The following ACLY variants were observed in gnomAD, a reference collection of about 807,000 sequenced individuals.
ACLY encodes the protein ATP citrate lyase.
A neutral mutation model predicts 133.0 loss-of-function variants in ACLY; 41 were observed. The observed-to-expected ratio is 0.31, with a 90% CI of 0.24 to 0.40. ACLY has a LOEUF of 0.40. Ranked by LOEUF, ACLY falls within the 10% of genes least tolerant of loss-of-function variation. ACLY has a pLI of 1.00. For synonymous variants in ACLY, 495 were observed against 549.3 expected (o/e 0.90, Z 1.38); for missense variants, 1,046 against 1,453.8 (o/e 0.72, Z 4.56).
At chr17:41,880,329 C>T (rs1205835235) in intron 20 of ACLY, among the ~76,000 whole-genome samples, 1 of 152,146 alleles carries the variant, frequency 6.6e-6, no homozygotes, top group Non-Finnish European at 1.5e-5. Context: ...CTTCACCATG[C>T]AAACAGAACA....
At chr17:41,894,399 A>C (rs1341289212) in intron 14 of ACLY, among the ~76,000 whole-genome samples, 6 of 123,062 alleles carry the variant, frequency 4.9e-5, no homozygotes, top group East Asian at 2.5e-4. Context: ...AAAAAAAAAA[A>C]GGGTAAGGGA....
chr17:41,884,548 A>T (rs2049000690), intron 18 of ACLY, among the ~76,000 whole-genome samples: 1 of 152,218 alleles, frequency 6.6e-6, no homozygotes, highest in African/African-American at 2.4e-5. Context: ...GCAGTAAGAG[A>T]TGACTTAGAA....
At chr17:41,918,818 G>A (rs1295113313) in intron 1 of ACLY, 62 bp downstream of exon 1, 2 of 1,266,650 alleles carry the variant, frequency 1.6e-6, no homozygotes, top group Non-Finnish European at 2.0e-6. Context: ...GTTGGGGGAC[G>A]GAGGCAGGAA....
At position 41,908,983 on chromosome 17, in the gene ACLY, A is replaced by T. The variant is rs781980413; in HGVS notation, c.616+6T>A. Reference sequence around the variant, plus strand: ...TGCCCCCTCCCAGCCAAGCACACCCAGTTACCAAGGGGATTGATCTCGAGG... The same window carrying T: ...TGCCCCCTCCCAGCCAAGCACACCCTGTTACCAAGGGGATTGATCTCGAGG... On this transcript the variant is annotated splice_donor_region_variant and intron_variant, in intron 6 of 28. Coordinates refer to ENST00000352035, the MANE Select transcript of ACLY (RefSeq NM_001096.3). 79 of 1,611,556 alleles carry T rather than the reference A, an allele frequency of 4.9e-5. No individual in the cohort carries two copies. Among genetic ancestry groups the T allele is most frequent in the Non-Finnish European group, 6.4e-5 (76 of 1,178,436 alleles).
At chr17:41,893,344 G>A (rs782189344) in intron 14 of ACLY, among the ~76,000 whole-genome samples, 170 bp from the exon 15 acceptor site, 6 of 152,186 alleles carry the variant, frequency 3.9e-5, no homozygotes, top group Non-Finnish European at 8.8e-5. Flanking sequence ...TGGGGAGGAG[G>A]TGCCTCGATT....
Position 41,905,535 on chromosome 17 carries a change from C to G in ACLY, c.990G>C (p.Glu330Asp). ...AKTILSLMTR[E>D]KHPDGKILII... ...CAAGTATCTCACCATCTGGGTGCTT[C>G]TCTCGGGTCATGAGGGAGAGGATAG... The change falls in exon 9 of 29, where the codon GAG becomes GAC. Residue 330 changes from glutamate to aspartate, a missense_variant. Glu to Asp is a conservative substitution (Grantham distance 45). Around this residue, in one of 4 missense-constraint regions of ACLY, gnomAD observed 575 missense variants for 804.2 expected, o/e 0.71. Transcript: ENST00000352035. The G allele has an allele frequency of 6.2e-7, 1 of 1,614,180 alleles. No individual in the cohort carries two copies. Among genetic ancestry groups the G allele is most frequent in the Non-Finnish European group, 8.5e-7 (1 of 1,180,022 alleles).
intron 11 of ACLY, among the ~76,000 whole-genome samples, chr17:41,899,891 C>T (rs542739569): frequency 6.6e-6 from 1 of 151,300 alleles, no homozygotes; most frequent in East Asian, 2.0e-4. Flanking sequence ...AAAAATTAGC[C>T]AGGTGTGTGC....
intron 19 of ACLY, among the ~76,000 whole-genome samples, 200 bp downstream of exon 19, chr17:41,883,993 T>C (rs1469819697): frequency 2.6e-5 from 4 of 152,180 alleles, no homozygotes. Context: ...TTTGGGATGC[T>C]GGGAGATTAA....
At chr17:41,899,363 A>C (rs1401511289) in intron 11 of ACLY, among the ~76,000 whole-genome samples, 13 of 151,904 alleles carry the variant, frequency 8.6e-5, no homozygotes, top group Admixed American at 8.5e-4. Flanking sequence ...TCCTGTTCGC[A>C]GTCTGGACCC....
upstream of ACLY, chr17:41,919,126 CG>C (rs1325291827): frequency 3.5e-6 from 4 of 1,136,660 alleles, no homozygotes; most frequent in South Asian, 4.8e-5. Flanking sequence ...GGGCGGGCCC[CG>C]GGGCCTGCTG....
chr17:41,895,567 A>C (rs1178217780), intron 14 of ACLY, among the ~76,000 whole-genome samples: 2 of 152,132 alleles, frequency 1.3e-5, no homozygotes, highest in Non-Finnish European at 2.9e-5. Context: ...TCTCCCTGAC[A>C]CACCCTCCTT....
upstream of ACLY, among the ~76,000 whole-genome samples, chr17:41,920,590 CAA>C (rs57800581): frequency 2.3e-3 from 172 of 74,004 alleles, no homozygotes; most frequent in East Asian, 0.023. Flanking sequence ...GATTCTATCT[CAA>C]AAAAAAAAAA....
intron 28 of ACLY, among the ~76,000 whole-genome samples, chr17:41,868,125 G>GA (rs1378013305): frequency 6.6e-6 from 1 of 151,840 alleles, no homozygotes; most frequent in Non-Finnish European, 1.5e-5. Flanking sequence ...ATTTTAAAGG[G>GA]AAAAAATAAA....
At chr17:41,889,303 G>A (rs1052421535) in intron 16 of ACLY, among the ~76,000 whole-genome samples, 1 of 151,816 alleles carries the variant, frequency 6.6e-6, no homozygotes, top group Non-Finnish European at 1.5e-5. Flanking sequence ...TGGATCACCT[G>A]AGGCCTGGAG....
At chr17:41,900,140 C>T (rs954335328) in intron 11 of ACLY, among the ~76,000 whole-genome samples, 1 of 141,558 alleles carries the variant, frequency 7.1e-6, no homozygotes, top group Non-Finnish European at 1.5e-5. Flanking sequence ...GCAGTCTGAT[C>T]ACGAGGTCAA....
Position 41,898,611 on chromosome 17 carries a change from T to G in ACLY, c.1338+20A>C, listed in dbSNP as rs372735106. 5 of 1,611,842 alleles carry G rather than the reference T, an allele frequency of 3.1e-6. No homozygotes were observed. The highest frequency in any genetic ancestry group is 1.3e-5 in the African/African-American group (1 of 74,878). On this transcript the variant is annotated intron_variant, in intron 12 of 28. Coordinates refer to ENST00000352035, the MANE Select transcript of ACLY (RefSeq NM_001096.3). ...ATGAGATGGTTCCTTCCTGTAAGGT[T>G]TGGGGAGGCTGGAACCTACCGATGT...
chr17:41,872,852 A>C (rs1265632789), intron 23 of ACLY, among the ~76,000 whole-genome samples: 3 of 152,182 alleles, frequency 2.0e-5, no homozygotes, highest in Admixed American at 2.0e-4. Flanking sequence ...TCAGGAACAA[A>C]GTATGGAGAG....
At chr17:41,872,515 G>A (rs553884413) in intron 23 of ACLY, among the ~76,000 whole-genome samples, 5 of 152,228 alleles carry the variant, frequency 3.3e-5, no homozygotes, top group South Asian at 4.2e-4. Flanking sequence ...TAGTAGAGAC[G>A]AGATTTTGCT....
At chr17:41,872,498 G>C (rs1555625323) in intron 23 of ACLY, among the ~76,000 whole-genome samples, 1 of 152,110 alleles carries the variant, frequency 6.6e-6, no homozygotes, top group African/African-American at 2.4e-5. Context: ...GCTAATTTTT[G>C]TATTTTTAGT....
Sources: allele counts gnomAD v4.1 joint callset (sites outside exome capture counted in the v4.1 genomes callset), GRCh38; gene constraint gnomAD v4.1.1; regional missense constraint gnomAD v4.1.1; transcripts MANE v1.5; gene names NCBI Gene and HGNC (gene_info 2026-07-23, HGNC 2026-07-21).